Variants in NRG1 observed in about 807,000 individuals in gnomAD.
NRG1 encodes pro-neuregulin-1, membrane-bound isoform.
Under a neutral mutation model 63.8 loss-of-function variants are expected in NRG1, and 18 were observed. The observed-to-expected ratio is 0.28, with a 90% CI of 0.19 to 0.42. The LOEUF (loss-of-function observed/expected upper bound fraction) is 0.42, where lower values mean the gene tolerates loss of function less well. Among genes scored for constraint, NRG1 ranks in the 10% least tolerant of loss-of-function variants. NRG1 has a pLI of 1.00. For synonymous variants in NRG1, 302 were observed against 301.3 expected (o/e 1.00, Z -0.02); for missense variants, 762 against 814.7 (o/e 0.94, Z 0.79).
At chr8:32,642,360 G>A (rs1444765157) in intron 5 of NRG1, among the ~76,000 whole-genome samples, 7 of 152,152 alleles carry the variant, frequency 4.6e-5, no homozygotes, top group African/African-American at 1.4e-4. Context: ...CTGTATACAC[G>A]ATGTAATTAA....
intron 1 of NRG1, among the ~76,000 whole-genome samples, chr8:32,003,154 G>T (rs1471215344): frequency 4.6e-5 from 7 of 152,076 alleles, no homozygotes; most frequent in South Asian, 4.1e-4. Flanking sequence ...GTGTACATTT[G>T]TGATATAGTT....
intron 1 of NRG1, among the ~76,000 whole-genome samples, chr8:32,323,967 C>A (rs1370888685): frequency 2.0e-5 from 3 of 152,192 alleles, no homozygotes; most frequent in African/African-American, 7.2e-5. Context: ...ACATCTTCCT[C>A]ATCTGCCTCT....
intron 1 of NRG1, among the ~76,000 whole-genome samples, chr8:32,326,964 T>C (rs1294491003): frequency 1.3e-5 from 2 of 152,278 alleles, no homozygotes; most frequent in East Asian, 3.9e-4. Context: ...TGGGCTCAGA[T>C]TTTTGCTTTC....
chr8:32,746,425 T>C (rs1187795650), intron 7 of NRG1, among the ~76,000 whole-genome samples: 5 of 152,150 alleles, frequency 3.3e-5, no homozygotes, highest in African/African-American at 1.2e-4. Flanking sequence ...AAATCCTAAA[T>C]GTCTTCAAAT....
chr8:31,996,799 A>G (rs889225487), intron 1 of NRG1, among the ~76,000 whole-genome samples: 10 of 151,884 alleles, frequency 6.6e-5, no homozygotes, highest in Non-Finnish European at 1.2e-4. Flanking sequence ...TTCAGCTTAA[A>G]GGGTTGGTTG....
chr8:32,643,053 A>G (rs1486063430), intron 5 of NRG1, among the ~76,000 whole-genome samples: 1 of 152,202 alleles, frequency 6.6e-6, no homozygotes, highest in Non-Finnish European at 1.5e-5. Flanking sequence ...TTCTTCATTG[A>G]AGCCAGCTTA....
intron 1 of NRG1, among the ~76,000 whole-genome samples, chr8:31,837,165 G>A (rs928071811): frequency 1.3e-5 from 2 of 151,878 alleles, no homozygotes; most frequent in Admixed American, 6.6e-5. Context: ...GACATATATG[G>A]TAAACAAAAT....
chr8:31,792,652 T>G (rs1277432813), intron 1 of NRG1, among the ~76,000 whole-genome samples: 3 of 152,250 alleles, frequency 2.0e-5, no homozygotes, highest in South Asian at 2.1e-4. Flanking sequence ...TTGTTTTCTT[T>G]AAGTCTGTAC....
At chr8:32,401,367 C>T (rs1185844843) in intron 1 of NRG1, among the ~76,000 whole-genome samples, 1 of 152,254 alleles carries the variant, frequency 6.6e-6, no homozygotes, top group East Asian at 1.9e-4. Context: ...TGCTTTCTGG[C>T]AGTACCCCAT....
intron 4 of NRG1, 44 bp downstream of exon 4, chr8:32,614,608 A>C (rs371700537): frequency 1.3e-6 from 2 of 1,582,276 alleles, no homozygotes; most frequent in Non-Finnish European, 1.7e-6. Context: ...CAGAATGACA[A>C]CCATAACTGC....
Position 32,548,527 on chromosome 8 carries a change from C to T in NRG1, c.-200C>T, listed in dbSNP as rs1588213565. 4 of 1,246,228 alleles carry T rather than the reference C, an allele frequency of 3.2e-6. No individual in the cohort carries two copies. The East Asian group carries it at 1.4e-4, about 43-fold the overall frequency. The allele number at this position is 1,246,228 out of a possible 1,614,324, so 77.2% of individuals were successfully genotyped here. A position where few individuals can be genotyped will look rare whatever the true frequency, so the allele number is the denominator to read the frequency against. ...CGAGAGCCAGGGCGAGCGCCCGTTC[C>T]AGGTGGCCGGACCGCCCGCCGCGTC... is the stretch of plus-strand genomic sequence containing the variant. On this transcript the variant is annotated 5_prime_UTR_variant, in exon 1 of 12. Transcript: ENST00000356819.
At chr8:32,634,099 TA>T (rs57478389) in intron 5 of NRG1, among the ~76,000 whole-genome samples, 1,041 of 86,756 alleles carry the variant, frequency 0.012, 43 homozygotes, top group African/African-American at 0.045. Flanking sequence ...GATCTTGTCT[TA>T]AAAAAAAAAA....
chr8:32,497,531 A>T (rs1351809188), intron 1 of NRG1, among the ~76,000 whole-genome samples: 1 of 152,036 alleles, frequency 6.6e-6, no homozygotes, highest in Non-Finnish European at 1.5e-5. Context: ...TCATTTTTTA[A>T]CTTACAGATT....
chr8:32,299,110 C>G (rs1410762807), intron 1 of NRG1, among the ~76,000 whole-genome samples: 1 of 151,566 alleles, frequency 6.6e-6, no homozygotes, highest in East Asian at 1.9e-4. Context: ...CTGCTATAAC[C>G]CTTAACATTT....
At chr8:32,475,669 C>A (rs1824434166) in intron 1 of NRG1, among the ~76,000 whole-genome samples, 1 of 151,956 alleles carries the variant, frequency 6.6e-6, no homozygotes, top group Admixed American at 6.6e-5. Flanking sequence ...GCCTCACCTA[C>A]CAAGTAGCTG....
At position 31,890,272 on chromosome 8, in the gene NRG1, C is replaced by G. The variant is rs957062734; in HGVS notation, c.37+250841C>G. The stretch of plus-strand genomic sequence containing the variant: ...GAAGAGATCTTTTCAAGATATCTAC[C>G]TTGGTATCCTCAGACATACTGAAGA... On this transcript the variant is annotated intron_variant, in intron 1 of 10. Transcript: ENST00000519301. 2.6e-5 allele frequency among the ~76,000 whole-genome samples: 4 copies of G among 152,210 alleles called. No homozygotes were observed. In the South Asian group the frequency reaches 8.3e-4, roughly 32 times the overall value.
At chr8:32,687,494 C>T (rs935080600) in intron 5 of NRG1, among the ~76,000 whole-genome samples, 1 of 152,154 alleles carries the variant, frequency 6.6e-6, no homozygotes, top group African/African-American at 2.4e-5. Flanking sequence ...AGTCTGAACG[C>T]ACTGTGAGGA....
At chr8:32,695,891 T>C (rs1427001914) in intron 5 of NRG1, among the ~76,000 whole-genome samples, 1 of 152,138 alleles carries the variant, frequency 6.6e-6, no homozygotes, top group Admixed American at 6.5e-5. Context: ...TTCTAAACAG[T>C]CCAAAGGCAA....
chr8:32,644,652 T>A (rs1318614801), intron 5 of NRG1, among the ~76,000 whole-genome samples: 1 of 152,204 alleles, frequency 6.6e-6, no homozygotes, highest in Non-Finnish European at 1.5e-5. Context: ...CATCCCAAAG[T>A]CTGGCTCATG....
Sources: allele counts gnomAD v4.1 joint callset (sites outside exome capture counted in the v4.1 genomes callset), GRCh38; gene constraint gnomAD v4.1.1; transcripts MANE v1.5; gene names NCBI Gene and HGNC (gene_info 2026-07-23, HGNC 2026-07-21).